The following SPAG16 variants were observed in gnomAD, a reference collection of about 807,000 sequenced individuals.
SPAG16 encodes the protein sperm-associated antigen 16 protein.
In SPAG16, 86 loss-of-function variants were observed where a neutral mutation model predicts 80.4. The observed-to-expected ratio is 1.07, with a 90% CI of 0.90 to 1.28. The LOEUF is 1.28. Ranked by LOEUF, SPAG16 falls within the 50% of genes most tolerant of loss-of-function variation. The probability of loss-of-function intolerance (pLI) is 0.00; values close to 1 mark genes in which losing one functional copy is unlikely to be tolerated. For synonymous variants in SPAG16, 294 were observed against 265.9 expected, an observed-to-expected ratio of 1.11 and a Z score of -1.03; for missense variants, 870 against 765.3, an observed-to-expected ratio of 1.14 and a Z score of -1.61.
chr2:214,067,924 T>TA (rs1408381885), intron 13 of SPAG16, among the ~76,000 whole-genome samples: 1 of 152,104 alleles, frequency 6.6e-6, no homozygotes, highest in Admixed American at 6.6e-5. Context: ...ATAAAAACTA[T>TA]AAAAAATAAT....
chr2:213,527,989 C>A (rs1324053772), intron 10 of SPAG16, among the ~76,000 whole-genome samples: 2 of 150,758 alleles, frequency 1.3e-5, no homozygotes, highest in East Asian at 1.9e-4. Flanking sequence ...AATATAAAAA[C>A]AAATGAAGCT....
chr2:214,185,871 G>A (rs2057452392), intron 15 of SPAG16, among the ~76,000 whole-genome samples: 1 of 152,000 alleles, frequency 6.6e-6, no homozygotes, highest in South Asian at 2.1e-4. Flanking sequence ...CTTTCATCCT[G>A]TTTGTTTCCT....
chr2:213,333,709 T>C (rs2064210633), intron 5 of SPAG16, among the ~76,000 whole-genome samples: 1 of 151,930 alleles, frequency 6.6e-6, no homozygotes, highest in South Asian at 2.1e-4. Flanking sequence ...ATACCTACAG[T>C]GAACACATTT....
At chr2:213,680,318 C>T (rs1199570352) in intron 10 of SPAG16, among the ~76,000 whole-genome samples, 1 of 151,894 alleles carries the variant, frequency 6.6e-6, no homozygotes, top group African/African-American at 2.4e-5. Context: ...GGAGCTTGTG[C>T]GTAAGCCATT....
rs77611785 is a variant in SPAG16 at position 213,284,860 on chromosome 2, G to T, written c.136+241G>T. 1,376 of 508,172 alleles carry T rather than the reference G, an allele frequency of 2.7e-3. 16 individuals are homozygous for T. Among genetic ancestry groups the T allele is most frequent in the African/African-American group, 0.024 (1,195 of 50,656 alleles). 31.5% of individuals were successfully genotyped at this position (508,172 alleles called of 1,614,324 possible). A position where few individuals can be genotyped will look rare whatever the true frequency, so the allele number is the denominator to read the frequency against. On this transcript the variant is annotated intron_variant, in intron 1 of 15. Coordinates refer to ENST00000331683, the MANE Select transcript of SPAG16 (RefSeq NM_024532.5). ...TAGAAGAGTTGGGAGACCTTCCAAG[G>T]CCTCATACTTAGTAACCACTCAGTA...
chr2:214,125,158 C>T (rs1388714214), intron 14 of SPAG16, among the ~76,000 whole-genome samples: 3 of 151,188 alleles, frequency 2.0e-5, no homozygotes, highest in African/African-American at 7.3e-5. Flanking sequence ...TCCCTTATTC[C>T]ACCTGAGCTG....
chr2:213,835,129 G>T (rs555265479), intron 10 of SPAG16, among the ~76,000 whole-genome samples: 1 of 152,076 alleles, frequency 6.6e-6, no homozygotes, highest in African/African-American at 2.4e-5. Flanking sequence ...CAAGTCCAAA[G>T]AAATTTTATC....
Position 213,284,622 on chromosome 2 carries a change from A to C in SPAG16, c.136+3A>C. The C allele has an allele frequency of 1.2e-6, 2 of 1,606,886 alleles. No homozygotes were observed. The highest frequency in any genetic ancestry group is 1.7e-6 in the Non-Finnish European group (2 of 1,177,244). ...TGAGGGCGCCTACTACCTGGAACGTATCCTTCCCGTGGAGGCGCGGCCCGC... is the reference window on the plus strand; with the variant it reads ...TGAGGGCGCCTACTACCTGGAACGTCTCCTTCCCGTGGAGGCGCGGCCCGC... On this transcript the variant is annotated splice_donor_region_variant and intron_variant, in intron 1 of 15. Coordinates refer to ENST00000331683, the MANE Select transcript of SPAG16 (RefSeq NM_024532.5).
chr2:214,274,944 T>C (rs1173015695), intron 15 of SPAG16, among the ~76,000 whole-genome samples: 1 of 152,218 alleles, frequency 6.6e-6, no homozygotes, highest in Non-Finnish European at 1.5e-5. Context: ...TTTTGGTTGG[T>C]AGGCTATTAA....
chr2:214,186,809 G>T (rs1025992471), intron 15 of SPAG16, among the ~76,000 whole-genome samples: 1 of 151,916 alleles, frequency 6.6e-6, no homozygotes, highest in Non-Finnish European at 1.5e-5. Context: ...ACCCAGGCTG[G>T]AGTGCAATGG....
At chr2:213,624,167 A>C (rs1008188931) in intron 10 of SPAG16, among the ~76,000 whole-genome samples, 4 of 152,182 alleles carry the variant, frequency 2.6e-5, no homozygotes, top group African/African-American at 7.2e-5. Flanking sequence ...ATTCTAAATT[A>C]CAAATGCTTG....
intron 10 of SPAG16, among the ~76,000 whole-genome samples, chr2:213,714,790 C>T (rs553526174): frequency 6.6e-6 from 1 of 152,180 alleles, no homozygotes; most frequent in South Asian, 2.1e-4. Context: ...GATTTAAACC[C>T]AACGAATCTG....
At chr2:213,374,484 T>C (rs2066790293) in intron 8 of SPAG16, among the ~76,000 whole-genome samples, 1 of 152,092 alleles carries the variant, frequency 6.6e-6, no homozygotes, top group African/African-American at 2.4e-5. Context: ...TTCCCCACTC[T>C]CAAATGATTC....
intron 9 of SPAG16, among the ~76,000 whole-genome samples, chr2:213,393,853 AAATTG>A (rs2067899341): frequency 6.6e-6 from 1 of 152,146 alleles, no homozygotes; most frequent in Admixed American, 6.6e-5. Flanking sequence ...ATTACTAATT[AAATTG>A]AACGTGTTCT....
At chr2:213,574,491 C>G (rs902270433) in intron 10 of SPAG16, among the ~76,000 whole-genome samples, 2 of 151,740 alleles carry the variant, frequency 1.3e-5, no homozygotes, top group Non-Finnish European at 2.9e-5. Context: ...GAGGAAAATC[C>G]CATGTGCCAA....
intron 12 of SPAG16, among the ~76,000 whole-genome samples, chr2:213,987,452 A>C (rs1306853048): frequency 2.0e-5 from 3 of 152,070 alleles, no homozygotes; most frequent in Non-Finnish European, 4.4e-5. Flanking sequence ...TTTTCTGATA[A>C]ATCAAGTTAA....
chr2:213,824,946 C>T (rs1288467755), intron 10 of SPAG16, among the ~76,000 whole-genome samples: 1 of 151,760 alleles, frequency 6.6e-6, no homozygotes, highest in Admixed American at 6.6e-5. Flanking sequence ...TTTCACTTCT[C>T]TGGTTAATTC....
At chr2:214,090,054 G>A (rs2052067927) in intron 13 of SPAG16, among the ~76,000 whole-genome samples, 1 of 151,720 alleles carries the variant, frequency 6.6e-6, no homozygotes. Context: ...TATATTCATT[G>A]ATAACATATC....
intron 15 of SPAG16, among the ~76,000 whole-genome samples, chr2:214,151,311 A>G (rs1369480808): frequency 6.6e-6 from 1 of 152,104 alleles, no homozygotes; most frequent in African/African-American, 2.4e-5. Context: ...AAGAGGTGAA[A>G]GTCACAAAGT....
Sources: allele counts gnomAD v4.1 joint callset (sites outside exome capture counted in the v4.1 genomes callset), GRCh38; gene constraint gnomAD v4.1.1; transcripts MANE v1.5; gene names NCBI Gene and HGNC (gene_info 2026-07-23, HGNC 2026-07-21).